ABCC4: variants seen among roughly 807,000 people sequenced by gnomAD.
ABCC4 encodes the protein ATP-binding cassette sub-family C member 4.
A neutral mutation model predicts 168.5 loss-of-function variants in ABCC4; 102 were observed. The ratio of observed to expected loss-of-function variants is 0.61; its 90% CI spans 0.52 to 0.71. The LOEUF is 0.71. Among genes scored for constraint, ABCC4 ranks in the 30% least tolerant of loss-of-function variants. The probability of loss-of-function intolerance (pLI) is 0.00; values close to 1 mark genes in which losing one functional copy is unlikely to be tolerated. For synonymous variants in ABCC4, 617 were observed against 590.7 expected (o/e 1.04, Z -0.65); for missense variants, 1,402 against 1,605.8 (o/e 0.87, Z 2.17).
At chr13:95,275,537 C>T (rs1238065358) in intron 1 of ABCC4, among the ~76,000 whole-genome samples, 12 of 152,272 alleles carry the variant, frequency 7.9e-5, no homozygotes, top group Non-Finnish European at 1.8e-4. Flanking sequence ...CAATTTTCTA[C>T]ACCAAATCAG....
rs560266487 is a variant in ABCC4, at chr13:95,156,030, A to G, written c.2455+5159T>C. ...TCTCTGCAAACTCATGCTTACAAAG[A>G]AAACAGAAACATCATACAAGCAAAT... On this transcript the variant is annotated intron_variant, in intron 19 of 30. Transcript: ENST00000645237. 1.9e-4 allele frequency among the ~76,000 whole-genome samples: 29 copies of G among 152,366 alleles called. No individual in the cohort carries two copies. The East Asian group carries it at 5.0e-3, about 26-fold the overall frequency.
At chr13:95,070,347 C>T (rs1206428636) in intron 25 of ABCC4, among the ~76,000 whole-genome samples, 1 of 152,010 alleles carries the variant, frequency 6.6e-6, no homozygotes, top group African/African-American at 2.4e-5. Context: ...CAGACAGGTG[C>T]TTGGGGAGAA....
Position 95,177,691 on chromosome 13 carries a change from A to G in ABCC4, c.1727+16T>C. 6.3e-7 allele frequency: 1 copy of G among 1,597,946 alleles called. No homozygotes were observed. The highest frequency in any genetic ancestry group is 8.6e-7 in the Non-Finnish European group (1 of 1,168,922). On this transcript the variant is annotated intron_variant, in intron 13 of 30. Coordinates refer to ENST00000645237, the MANE Select transcript of ABCC4 (RefSeq NM_005845.5). Reference sequence around the variant, plus strand: ...TCTGGAAAAGCAGAAATGACTTAAGACACAAACACACTCACAGTTCGAACA... The same window carrying G: ...TCTGGAAAAGCAGAAATGACTTAAGGCACAAACACACTCACAGTTCGAACA...
At chr13:95,248,982 G>C (rs1419370831) in intron 1 of ABCC4, among the ~76,000 whole-genome samples, 1 of 152,192 alleles carries the variant, frequency 6.6e-6, no homozygotes, top group Non-Finnish European at 1.5e-5. Flanking sequence ...AGAGGTTGCA[G>C]TGAGCTGAGA....
Position 95,095,286 on chromosome 13 carries a change from T to TTACC in ABCC4, c.2536-11997_2536-11996insGGTA, listed in dbSNP as rs376482606. ...ATGAGTGGATAAAGAAACTGTGAGA[T>TTACC]TATCTATCTATCTATCTATCTATCT... On this transcript the variant is annotated intron_variant, in intron 20 of 30. Transcript: ENST00000645237. Among the ~76,000 whole-genome samples, 3 of 146,418 alleles carry TTACC rather than the reference T, an allele frequency of 2.0e-5. No individual in the cohort carries two copies. The East Asian group carries it at 6.1e-4, about 30-fold the overall frequency.
At chr13:95,167,680 T>C (rs950144037) in intron 14 of ABCC4, among the ~76,000 whole-genome samples, 2 of 152,180 alleles carry the variant, frequency 1.3e-5, no homozygotes, top group African/African-American at 4.8e-5. Flanking sequence ...ACATAGTATC[T>C]GTAAGACACA....
chr13:95,232,646 C>T (rs552268214), intron 4 of ABCC4, among the ~76,000 whole-genome samples: 9 of 150,042 alleles, frequency 6.0e-5, no homozygotes, highest in African/African-American at 2.2e-4. Flanking sequence ...CACTACACTC[C>T]AGCCTGGGCG....
chr13:95,236,149 G>A (rs534033860), intron 3 of ABCC4, among the ~76,000 whole-genome samples: 11 of 151,984 alleles, frequency 7.2e-5, no homozygotes, highest in African/African-American at 9.7e-5. Flanking sequence ...CACTTCACCC[G>A]GCAACCTACT....
intron 3 of ABCC4, among the ~76,000 whole-genome samples, chr13:95,237,142 A>C (rs2039796673): frequency 6.6e-6 from 1 of 152,188 alleles, no homozygotes; most frequent in Non-Finnish European, 1.5e-5. Flanking sequence ...AGATGCAATA[A>C]ACCCAGCGAA....
rs1261399221 is a variant in ABCC4 at position 95,234,663 on chromosome 13, G to A, written c.478C>T (p.Gln160Ter). The change falls in exon 4 of 31, where the codon CAG (glutamine) becomes TAG (stop). Residue 160 changes from glutamine (Q) to a stop codon, truncating the protein, a stop_gained. Coordinates refer to ENST00000645237, the MANE Select transcript of ABCC4 (RefSeq NM_005845.5). LOFTEE classifies it high-confidence loss of function. Reference protein sequence around the residue: ...ILHHLYFYHVQCAGMRLRVAM... With the variant: ...ILHHLYFYHV Reference sequence around the variant, plus strand: ...ACTCGTAACCTCATCCCAGCACACTGAACGTGATAAAAATATAAGTGATGC... The same window carrying A: ...ACTCGTAACCTCATCCCAGCACACTAAACGTGATAAAAATATAAGTGATGC... The A allele has an allele frequency of 3.7e-6, 6 of 1,614,066 alleles. No individual in the cohort carries two copies. Among genetic ancestry groups the A allele is most frequent in the South Asian group, 2.2e-5 (2 of 91,072 alleles).
chr13:95,191,095 C>T (rs555618943), intron 9 of ABCC4, among the ~76,000 whole-genome samples: 59 of 152,282 alleles, frequency 3.9e-4, no homozygotes, highest in African/African-American at 1.3e-3. Context: ...ACTGAGCTGG[C>T]GCAGCCCACA....
At chr13:95,250,350 T>C (rs1221325956) in intron 1 of ABCC4, among the ~76,000 whole-genome samples, 1 of 152,164 alleles carries the variant, frequency 6.6e-6, no homozygotes, top group Non-Finnish European at 1.5e-5. Context: ...CTAACTGTCC[T>C]ACTAGGAGTA....
chr13:95,158,771 A>G (rs1307690309), intron 19 of ABCC4, among the ~76,000 whole-genome samples: 1 of 152,018 alleles, frequency 6.6e-6, no homozygotes, highest in African/African-American at 2.4e-5. Flanking sequence ...GGGAATTTTT[A>G]TTTATATTAT....
intron 21 of ABCC4, among the ~76,000 whole-genome samples, chr13:95,077,515 T>C (rs1259505888): frequency 1.3e-5 from 2 of 151,998 alleles, no homozygotes; most frequent in Non-Finnish European, 2.9e-5. Flanking sequence ...TTTTATATAT[T>C]TTTGTAGACA....
intron 18 of ABCC4, among the ~76,000 whole-genome samples, chr13:95,162,376 T>G (rs566034959): frequency 1.2e-4 from 19 of 152,152 alleles, no homozygotes; most frequent in Non-Finnish European, 2.5e-4. Context: ...GCATTTCCTG[T>G]GGAAATATTT....
chr13:95,206,893 G>A (rs2038798747), intron 7 of ABCC4, 112 bp from the exon 8 acceptor site: 4 of 1,301,202 alleles, frequency 3.1e-6, no homozygotes, highest in Non-Finnish European at 4.3e-6. Context: ...TTTGAACCCA[G>A]GAGTTTGAGA....
chr13:95,057,626 C>T (rs952253149), intron 26 of ABCC4, among the ~76,000 whole-genome samples: 2 of 152,196 alleles, frequency 1.3e-5, no homozygotes, highest in East Asian at 1.9e-4. Flanking sequence ...CAGGTCCTTG[C>T]TGCTTAATCC....
chr13:95,045,060 T>C (rs560665479), intron 27 of ABCC4, among the ~76,000 whole-genome samples: 34 of 152,302 alleles, frequency 2.2e-4, no homozygotes, highest in African/African-American at 7.9e-4. Context: ...ATCATATCAG[T>C]GTCCCCCAGC....
Position 95,042,475 on chromosome 13 carries a change from AAG to A in ABCC4, c.3735+1205_3735+1206del, listed in dbSNP as rs536413319. On this transcript the variant is annotated intron_variant, in intron 29 of 30. Transcript: ENST00000645237. ...GGACTGTGGCTTTTACTGCAAAGGA[AAG>A]AGAGAGAACAGAGGGAGGAAAGGCT... Among the ~76,000 whole-genome samples, 18 of 152,322 alleles carry A rather than the reference AAG, an allele frequency of 1.2e-4. No individual in the cohort carries two copies. In the South Asian group the frequency reaches 3.7e-3, roughly 32 times the overall value.
Sources: gnomAD v4.1 joint callset for allele counts (sites outside exome capture counted in the v4.1 genomes callset) on GRCh38, gnomAD v4.1.1 for gene constraint, MANE v1.5 for transcripts, NCBI Gene and HGNC (gene_info 2026-07-23, HGNC 2026-07-21) for gene names.